The following PAPPA variants were observed in gnomAD, a reference collection of about 807,000 sequenced individuals.
PAPPA encodes pappalysin 1, also known as pappalysin-1.
PAPPA carries 60 observed loss-of-function variants against 164.0 expected under a neutral mutation model. That is an observed-to-expected ratio of 0.37 (90% CI 0.30 to 0.45). The LOEUF (loss-of-function observed/expected upper bound fraction) is 0.45. PAPPA is among the 20% of genes least tolerant of loss of function. PAPPA has a pLI of 1.00. For synonymous variants in PAPPA, 875 were observed against 814.1 expected, an observed-to-expected ratio of 1.07 and a Z score of -1.27; for missense variants, 1,782 against 2,087.3, an observed-to-expected ratio of 0.85 and a Z score of 2.85.
At chr9:116,324,370 A>C (rs1845896579) in intron 10 of PAPPA, among the ~76,000 whole-genome samples, 1 of 152,196 alleles carries the variant, frequency 6.6e-6, no homozygotes, top group Non-Finnish European at 1.5e-5. Context: ...GTACATACAG[A>C]GTCCTTAAAA....
chr9:116,386,597 A>G (rs1294955172), intron 21 of PAPPA, among the ~76,000 whole-genome samples: 4 of 152,070 alleles, frequency 2.6e-5, no homozygotes, highest in African/African-American at 4.8e-5. Flanking sequence ...CCAAGTTTGA[A>G]CCCAGTTCTA....
chr9:116,204,682 C>T (rs1038937909), intron 2 of PAPPA, among the ~76,000 whole-genome samples: 2 of 152,162 alleles, frequency 1.3e-5, no homozygotes, highest in African/African-American at 2.4e-5. Flanking sequence ...GCCCAAAGTG[C>T]TGGGATTACA....
intron 14 of PAPPA, among the ~76,000 whole-genome samples, chr9:116,345,408 T>A (rs912214): frequency 0.61 from 90,524 of 148,034 alleles, 29,406 homozygotes; most frequent in Middle Eastern, 0.73. Context: ...GGCACAGGCA[T>A]GGATAGTATG....
chr9:116,353,862 T>A, intron 17 of PAPPA, 69 bp downstream of exon 17: 1 of 1,194,274 alleles, frequency 8.4e-7, no homozygotes, highest in Non-Finnish European at 1.2e-6. Flanking sequence ...AACTAGCCTG[T>A]ACTTCAGGAA....
intron 4 of PAPPA, among the ~76,000 whole-genome samples, chr9:116,212,510 T>G (rs1043093728): frequency 1.3e-5 from 2 of 152,184 alleles, no homozygotes; most frequent in African/African-American, 4.8e-5. Flanking sequence ...CCCTTACCAC[T>G]GCACCTGCAG....
At chr9:116,310,436 T>C (rs998740430) in intron 10 of PAPPA, among the ~76,000 whole-genome samples, 16 of 152,178 alleles carry the variant, frequency 1.1e-4, no homozygotes, top group African/African-American at 3.9e-4. Context: ...GAAAGTACCA[T>C]GGTCTAGTTC....
intron 7 of PAPPA, among the ~76,000 whole-genome samples, chr9:116,262,009 T>C (rs1204485352): frequency 6.6e-6 from 1 of 152,034 alleles, no homozygotes; most frequent in African/African-American, 2.4e-5. Context: ...TCCCAGGTGT[T>C]CTAAACCAGC....
chr9:116,383,053 AGAT>A (rs1269107304), intron 21 of PAPPA, among the ~76,000 whole-genome samples: 2 of 152,246 alleles, frequency 1.3e-5, no homozygotes, highest in African/African-American at 4.8e-5. Context: ...AATTAGAGAA[AGAT>A]GGTCATGGTC....
chr9:116,264,530 G>GTCTGAA (rs1478144388), intron 7 of PAPPA, among the ~76,000 whole-genome samples: 2 of 152,192 alleles, frequency 1.3e-5, no homozygotes, highest in Non-Finnish European at 2.9e-5. Flanking sequence ...TGTGTTGAGA[G>GTCTGAA]TCTGAAGACA....
chr9:116,381,995 C>A (rs1041050614), intron 20 of PAPPA, among the ~76,000 whole-genome samples: 1 of 152,206 alleles, frequency 6.6e-6, no homozygotes, highest in African/African-American at 2.4e-5. Context: ...TTACAAATTA[C>A]GTTTTTAATT....
Position 116,187,299 on chromosome 9 carries a change from C to T in PAPPA, c.561C>T (p.Ala187=), listed in dbSNP as rs1419842334. The change falls in exon 2 of 22, where the codon GCC becomes GCT. Residue 187 remains alanine (A), a synonymous_variant. Transcript: ENST00000328252. The surrounding 1 kb of genome is among the most constrained non-coding windows in gnomAD (Gnocchi z 4.2). ...CCCGGCAAGTGACCACCATCAATGC[C>T]CACCGCAGCTACCTCCCAGGCCAGT... is the stretch of plus-strand genomic sequence containing the variant. ...DRARQVTTIN[A]HRSYLPGQWV... is the part of the protein sequence containing the mutation. The T allele has an allele frequency of 2.5e-6, 4 of 1,614,058 alleles. No homozygotes were observed. The Admixed American group carries it at 5.0e-5, about 20-fold the overall frequency.
chr9:116,275,461 T>C (rs1363219950), intron 9 of PAPPA, among the ~76,000 whole-genome samples: 1 of 152,160 alleles, frequency 6.6e-6, no homozygotes, highest in African/African-American at 2.4e-5. Flanking sequence ...TGAGGTCTCT[T>C]ATGACATCTT....
intron 9 of PAPPA, among the ~76,000 whole-genome samples, chr9:116,275,899 T>C (rs996941577): frequency 1.3e-5 from 2 of 152,158 alleles, no homozygotes; most frequent in Non-Finnish European, 2.9e-5. Context: ...TGCAACACCC[T>C]GGGGACTTCC....
chr9:116,282,030 C>T (rs1165791405), intron 9 of PAPPA, among the ~76,000 whole-genome samples: 1 of 152,156 alleles, frequency 6.6e-6, no homozygotes, highest in Non-Finnish European at 1.5e-5. Context: ...ACCAGATGAC[C>T]TCCTCCAAAA....
At chr9:116,241,157 A>G (rs1273928831) in intron 7 of PAPPA, among the ~76,000 whole-genome samples, 2 of 152,212 alleles carry the variant, frequency 1.3e-5, no homozygotes, top group African/African-American at 2.4e-5. Context: ...TTGAATACCC[A>G]TCAATTAGAA....
intron 10 of PAPPA, among the ~76,000 whole-genome samples, chr9:116,318,951 A>C (rs1048412744): frequency 6.6e-6 from 1 of 152,194 alleles, no homozygotes; most frequent in African/African-American, 2.4e-5. Flanking sequence ...CTCAGGCCAC[A>C]GTCTCCCGAA....
intron 1 of PAPPA, among the ~76,000 whole-genome samples, chr9:116,177,337 C>G (rs1169346878): frequency 1.3e-5 from 2 of 152,180 alleles, no homozygotes. Flanking sequence ...TTCACTCATG[C>G]AAGCACCCTC....
At chr9:116,351,284 T>A (rs1846278746) in intron 15 of PAPPA, among the ~76,000 whole-genome samples, 1 of 152,162 alleles carries the variant, frequency 6.6e-6, no homozygotes, top group Non-Finnish European at 1.5e-5. Flanking sequence ...ATTTGTTGAA[T>A]GAATGAAGAC....
chr9:116,266,396 T>C lies in PAPPA; in HGVS notation c.2861+411T>C, dbSNP rs554114336. Among the ~76,000 whole-genome samples the C allele has an allele frequency of 3.4e-3, 513 of 152,386 alleles. 2 individuals carry two copies. Among genetic ancestry groups the C allele is most frequent in the African/African-American group, 0.012 (491 of 41,592 alleles). On this transcript the variant is annotated intron_variant, in intron 8 of 21. Coordinates refer to ENST00000328252, the MANE Select transcript of PAPPA (RefSeq NM_002581.5). ...TTCTTTGCTGGTTACCATTCACATT[T>C]ATGAAAACTGCATATTTATTTGTTA...
Sources: allele counts gnomAD v4.1 joint callset (sites outside exome capture counted in the v4.1 genomes callset), GRCh38; gene constraint gnomAD v4.1.1; non-coding constraint Gnocchi (gnomAD v3.1); transcripts MANE v1.5; gene names NCBI Gene and HGNC (gene_info 2026-07-23, HGNC 2026-07-21).